The following TMEM132A variants were observed in gnomAD, a reference collection of about 807,000 sequenced individuals.
The protein encoded by TMEM132A is GRP78-binding protein.
TMEM132A carries 48 observed loss-of-function variants against 69.9 expected under a neutral mutation model. That is an observed-to-expected ratio of 0.69 (90% CI 0.55 to 0.87). TMEM132A has a LOEUF of 0.87. TMEM132A is among the 40% of genes least tolerant of loss of function. The probability of loss-of-function intolerance (pLI) is 0.00; values close to 1 mark genes in which losing one functional copy is unlikely to be tolerated. For missense variants in TMEM132A, 1,287 were observed against 1,407.2 expected (o/e 0.91, Z 1.37); for synonymous variants, 577 against 613.7 (o/e 0.94, Z 0.88).
chr11:60,930,967 C>T (rs1175051593), intron 5 of TMEM132A, among the ~76,000 whole-genome samples: 1 of 152,190 alleles, frequency 6.6e-6, no homozygotes, highest in Non-Finnish European at 1.5e-5. Context: ...CCCCCTGCTT[C>T]CACCAAATGA....
At chr11:60,931,282 G>T (rs1268109630) in intron 5 of TMEM132A, among the ~76,000 whole-genome samples, 2 of 152,224 alleles carry the variant, frequency 1.3e-5, no homozygotes, top group Non-Finnish European at 2.9e-5. Flanking sequence ...ATAGGTTTTT[G>T]TTTGATCAAA....
In TMEM132A at chr11:60,924,501, G is replaced by GGGC. The variant is rs540977711; in HGVS notation, c.-111_-109dup. ...TGTCTGGGAATTGCAGCCGCGGGGC[G>GGGC]GGCGGCGGCGGCGGCGGCGGCGGCC... On this transcript the variant is annotated 5_prime_UTR_variant, in exon 1 of 11. Transcript: ENST00000453848. 3.8e-4 allele frequency: 182 copies of GGGC among 485,184 alleles called. No homozygotes were observed. The highest frequency in any genetic ancestry group is 1.2e-3 in the Middle Eastern group (2 of 1,698). The allele number at this position is 485,184 out of a possible 1,614,324, so 30.1% of individuals were successfully genotyped here. A position where few individuals can be genotyped will look rare whatever the true frequency, so the allele number is the denominator to read the frequency against.
At position 60,935,308 on chromosome 11, in the gene TMEM132A, C is replaced by G. The variant is rs759648087; in HGVS notation, c.1893C>G (p.Asp631Glu). The G allele has an allele frequency of 6.2e-7, 1 of 1,612,968 alleles. No homozygotes were observed. The change falls in exon 10 of 11, where the codon GAC (aspartate) becomes GAG (glutamate). Residue 631 changes from aspartate (D) to glutamate (E), a missense_variant. Transcript: ENST00000453848. This position sits in a 1 kb window ranked among gnomAD's most constrained non-coding sequence, Gnocchi z 5.0. Reference protein sequence around the residue: ...ILGEQALAVTDDKVSVLELRV... With the variant: ...ILGEQALAVTEDKVSVLELRV... Reference sequence around the variant, plus strand: ...GGGAGCAGGCGCTGGCTGTGACGGACGACAAGGTCTCAGTGCTGGAGCTGA... The same window carrying G: ...GGGAGCAGGCGCTGGCTGTGACGGAGGACAAGGTCTCAGTGCTGGAGCTGA...
At position 60,926,236 on chromosome 11, in the gene TMEM132A, G is replaced by C. The variant is rs961981720; in HGVS notation, c.101-968G>C. On this transcript the variant is annotated intron_variant, in intron 1 of 10. Coordinates refer to ENST00000453848, the MANE Select transcript of TMEM132A (RefSeq NM_178031.3). ...GTGCACCGTGGCAGTGGAGAGTGGAGAGAGAAGTGGCAGGTGGAGACGCCG... is the reference window on the plus strand; with the variant it reads ...GTGCACCGTGGCAGTGGAGAGTGGACAGAGAAGTGGCAGGTGGAGACGCCG... Among the ~76,000 whole-genome samples the C allele has an allele frequency of 3.3e-5, 5 of 152,344 alleles. No individual in the cohort carries two copies. In the East Asian group the frequency reaches 9.6e-4, roughly 29 times the overall value.
At position 60,935,721 on chromosome 11, in the gene TMEM132A, C is replaced by T; in HGVS notation, c.2029-143C>T. 1 of 1,025,648 alleles carries T rather than the reference C, an allele frequency of 9.7e-7. No homozygotes were observed. The highest frequency in any genetic ancestry group is 2.2e-5 in the Admixed American group (1 of 45,058). The allele number at this position is 1,025,648 out of a possible 1,614,324, so 63.5% of individuals were successfully genotyped here. A position where few individuals can be genotyped will look rare whatever the true frequency, so the allele number is the denominator to read the frequency against. Reference sequence around the variant, plus strand: ...GACAGGTGATTGACACGCGTCCCCTCTCTCCCTGTGTTTTGTCTATCTGCC... The same window carrying T: ...GACAGGTGATTGACACGCGTCCCCTTTCTCCCTGTGTTTTGTCTATCTGCC... On this transcript the variant is annotated intron_variant, in intron 10 of 10. Transcript: ENST00000453848. This position sits in a 1 kb window ranked among gnomAD's most constrained non-coding sequence, Gnocchi z 5.0.
At chr11:60,924,869 C>T (rs1435487481) in intron 1 of TMEM132A, 136 bp downstream of exon 1, 6 of 634,952 alleles carry the variant, frequency 9.4e-6, no homozygotes, top group Non-Finnish European at 1.5e-5. Context: ...CCCTGAAGGT[C>T]GGAGAGTTCT....
chr11:60,929,148 C>A (rs1025431315), intron 4 of TMEM132A, among the ~76,000 whole-genome samples, 188 bp downstream of exon 4: 3 of 152,240 alleles, frequency 2.0e-5, no homozygotes, highest in Non-Finnish European at 4.4e-5. Flanking sequence ...GGGCACAGCC[C>A]TGGAATTAGA....
At position 60,936,978 on chromosome 11, in the gene TMEM132A, G is replaced by T; in HGVS notation, c.*71G>T. On this transcript the variant is annotated 3_prime_UTR_variant, in exon 11 of 11. Transcript: ENST00000453848. ...GGAGGTCCCACTGAGCCTCTCGCCT[G>T]CCCCCGCCACTCGTCTGGTGCTTGT... 1 of 1,357,466 alleles carries T rather than the reference G, an allele frequency of 7.4e-7. No individual in the cohort carries two copies. Among genetic ancestry groups the T allele is most frequent in the Non-Finnish European group, 9.7e-7 (1 of 1,026,084 alleles). 84.1% of individuals were successfully genotyped at this position (1,357,466 alleles called of 1,614,324 possible). A position where few individuals can be genotyped will look rare whatever the true frequency, so the allele number is the denominator to read the frequency against.
chr11:60,924,756 G>T, intron 1 of TMEM132A, 23 bp downstream of exon 1: 1 of 1,486,470 alleles, frequency 6.7e-7, no homozygotes, highest in East Asian at 2.7e-5. Context: ...GGAGGGCCGG[G>T]GCGAGGGGCG....
chr11:60,930,684 G>C (rs762328508), intron 5 of TMEM132A, 25 bp downstream of exon 5: 3 of 1,592,162 alleles, frequency 1.9e-6, no homozygotes, highest in Middle Eastern at 1.8e-4. Flanking sequence ...TCCACCCAGG[G>C]GGCAAAGGAG....
chr11:60,935,358 C>T lies in TMEM132A; in HGVS notation c.1943C>T (p.Ser648Leu), dbSNP rs566743806. ...ELRVQPVMGI[S>L]LTLSRGTAHP... is the part of the protein sequence containing the mutation. ...AGGGTGCAGCCAGTGATGGGCATCT[C>T]GCTGACCTTGAGCCGGGGCACTGCC... is the stretch of plus-strand genomic sequence containing the variant. The change falls in exon 10 of 11, where the codon TCG becomes TTG. Residue 648 changes from serine (S) to leucine (L), a missense_variant. Coordinates refer to ENST00000453848, the MANE Select transcript of TMEM132A (RefSeq NM_178031.3). The surrounding 1 kb of genome is among the most constrained non-coding windows in gnomAD (Gnocchi z 5.0). 13 of 1,612,924 alleles carry T rather than the reference C, an allele frequency of 8.1e-6. No homozygotes were observed. In the African/African-American group the frequency reaches 9.3e-5, roughly 12 times the overall value.
intron 5 of TMEM132A, among the ~76,000 whole-genome samples, chr11:60,931,105 G>C (rs1259333786): frequency 6.6e-6 from 1 of 152,208 alleles, no homozygotes; most frequent in African/African-American, 2.4e-5. Context: ...TCGAATTCTG[G>C]TTCTGATGCT....
rs886633465 is a variant in TMEM132A, at chr11:60,934,546, C to T, written c.1618C>T (p.His540Tyr). 2.0e-6 allele frequency: 3 copies of T among 1,497,454 alleles called. No homozygotes were observed. The African/African-American group carries it at 4.3e-5, about 21-fold the overall frequency. The allele number at this position is 1,497,454 out of a possible 1,614,324, so 92.8% of individuals were successfully genotyped here. The change falls in exon 9 of 11, where the codon CAC (histidine) becomes TAC (tyrosine). Residue 540 changes from histidine to tyrosine, a missense_variant. Physicochemically the swap from His to Tyr is moderately conservative, Grantham distance 83 (BLOSUM62 2). Transcript: ENST00000453848. ...GGCCGAGCGGCGCGCCCGTGGCTGCCACCTGCAGTACCAGCGGGCCGGTGT... is the reference window on the plus strand; with the variant it reads ...GGCCGAGCGGCGCGCCCGTGGCTGCTACCTGCAGTACCAGCGGGCCGGTGT... ...DEAERRARGC[H>Y]LQYQRAGVRF...
At position 60,933,675 on chromosome 11, in the gene TMEM132A, T is replaced by C; in HGVS notation, c.1490T>C (p.Leu497Pro). The C allele has an allele frequency of 6.2e-7, 1 of 1,605,076 alleles. No homozygotes were observed. The highest frequency in any genetic ancestry group is 1.1e-5 in the South Asian group (1 of 90,242). ...RLTVWAPLLP[L>P]RIELTDTTLE... ...ACCGTGTGGGCCCCCCTGCTACCGC[T>C]GCGTATCGAGCTCACCGACACCACC... The change falls in exon 8 of 11, where the codon CTG becomes CCG. Residue 497 changes from leucine to proline, a missense_variant. Leu to Pro is a moderately conservative substitution (Grantham distance 98, BLOSUM62 -3). Coordinates refer to ENST00000453848, the MANE Select transcript of TMEM132A (RefSeq NM_178031.3).
At chr11:60,925,198 C>T (rs1381536348) in intron 1 of TMEM132A, 3 of 154,490 alleles carry the variant, frequency 1.9e-5, no homozygotes, top group East Asian at 1.9e-4. Context: ...CTCCCTCCCC[C>T]TTCCCCCAGG....
Position 60,936,985 on chromosome 11 carries a change from C to G in TMEM132A, c.*78C>G. The stretch of plus-strand genomic sequence containing the variant: ...CCACTGAGCCTCTCGCCTGCCCCCG[C>G]CACTCGTCTGGTGCTTGTTGATCCA... On this transcript the variant is annotated 3_prime_UTR_variant, in exon 11 of 11. Transcript: ENST00000453848. 1 of 1,355,376 alleles carries G rather than the reference C, an allele frequency of 7.4e-7. No homozygotes were observed. Among genetic ancestry groups the G allele is most frequent in the Non-Finnish European group, 9.8e-7 (1 of 1,018,752 alleles). The allele number at this position is 1,355,376 out of a possible 1,614,324, so 84.0% of individuals were successfully genotyped here. A position where few individuals can be genotyped will look rare whatever the true frequency, so the allele number is the denominator to read the frequency against.
In TMEM132A at chr11:60,927,740, G is replaced by A. The variant is rs769708258; in HGVS notation, c.415G>A (p.Ala139Thr). The part of the protein sequence containing the change: ...EAAVTPAEPY[A>T]RVLFHLKGQD... ...GGCTGTGACTCCAGCAGAGCCCTACGCCCGGGTTCTCTTCCACCTCAAAGG... is the reference window on the plus strand; with the variant it reads ...GGCTGTGACTCCAGCAGAGCCCTACACCCGGGTTCTCTTCCACCTCAAAGG... Residue 139 changes from alanine (A) to threonine (T), a missense_variant, in exon 3 of 11, where the codon GCC (alanine) becomes ACC (threonine). By Grantham distance (58) the Ala-to-Thr change is moderately conservative. Transcript: ENST00000453848. The A allele has an allele frequency of 1.8e-5, 29 of 1,613,322 alleles. No homozygotes were observed. The highest frequency in any genetic ancestry group is 1.6e-4 in the East Asian group (7 of 44,892).
chr11:60,928,728 G>C lies in TMEM132A; in HGVS notation c.634G>C (p.Ala212Pro). ...RAELAYTLEPAAEGPGGCGSG... is the reference protein window; with the variant it reads ...RAELAYTLEPPAEGPGGCGSG... ...CGAGCTGGCCTACACGCTTGAGCCT[G>C]CAGCTGAGGGCCCTGGGGGCTGTGG... The change falls in exon 4 of 11, where the codon GCA becomes CCA. Residue 212 changes from alanine to proline, a missense_variant. Ala to Pro is a conservative substitution (Grantham distance 27). Coordinates refer to ENST00000453848, the MANE Select transcript of TMEM132A (RefSeq NM_178031.3). The C allele has an allele frequency of 6.2e-7, 1 of 1,609,744 alleles. No individual in the cohort carries two copies. The highest frequency in any genetic ancestry group is 8.5e-7 in the Non-Finnish European group (1 of 1,178,760).
At chr11:60,930,120 A>G (rs1856443685) in intron 4 of TMEM132A, among the ~76,000 whole-genome samples, 1 of 152,214 alleles carries the variant, frequency 6.6e-6, no homozygotes. Context: ...GAAAGGGCAG[A>G]GCAGGCTGAA....
Sources: gnomAD v4.1 joint callset for allele counts (sites outside exome capture counted in the v4.1 genomes callset) on GRCh38, gnomAD v4.1.1 for gene constraint, Gnocchi (gnomAD v3.1) non-coding constraint, MANE v1.5 for transcripts, NCBI Gene and HGNC (gene_info 2026-07-23, HGNC 2026-07-21) for gene names.